The following MTHFD1L variants were observed in gnomAD, a reference collection of about 807,000 sequenced individuals.
MTHFD1L encodes monofunctional C1-tetrahydrofolate synthase, mitochondrial.
In MTHFD1L, 81 loss-of-function variants were observed where a neutral mutation model predicts 119.5. The observed-to-expected ratio is 0.68, with a 90% confidence interval of 0.57 to 0.82. The LOEUF is 0.82. MTHFD1L is among the 40% of genes least tolerant of loss of function. The pLI, the probability that MTHFD1L is intolerant of heterozygous loss-of-function variation, is 0.00. For synonymous variants in MTHFD1L, 430 were observed against 475.2 expected (o/e 0.90, Z 1.24); for missense variants, 1,125 against 1,253.4 (o/e 0.90, Z 1.55).
chr6:150,893,673 A>G (rs1016180704), intron 7 of MTHFD1L, among the ~76,000 whole-genome samples: 1 of 152,124 alleles, frequency 6.6e-6, no homozygotes, highest in African/African-American at 2.4e-5. Flanking sequence ...GTGTAACACT[A>G]GAGTTCTATC....
At chr6:150,908,298 A>G (rs1167099051) in intron 8 of MTHFD1L, among the ~76,000 whole-genome samples, 3 of 151,950 alleles carry the variant, frequency 2.0e-5, no homozygotes, top group African/African-American at 7.2e-5. Context: ...CATGTTTAGA[A>G]ACATTTCCTT....
intron 1 of MTHFD1L, chr6:150,866,461 C>G: frequency 7.6e-7 from 1 of 1,317,148 alleles, no homozygotes; most frequent in Non-Finnish European, 9.6e-7. Flanking sequence ...GGCTGCGGCT[C>G]GGCGCGCCGG....
intron 26 of MTHFD1L, among the ~76,000 whole-genome samples, chr6:151,038,670 A>G (rs900909213): frequency 6.6e-6 from 1 of 152,188 alleles, no homozygotes; most frequent in African/African-American, 2.4e-5. Context: ...TTTAGTGAAA[A>G]GAGAACCAGG....
At chr6:150,908,508 T>C (rs1786312134) in intron 8 of MTHFD1L, among the ~76,000 whole-genome samples, 1 of 151,450 alleles carries the variant, frequency 6.6e-6, no homozygotes, top group Non-Finnish European at 1.5e-5. Context: ...GTGCCTGTAA[T>C]ACCAGCTACT....
chr6:151,088,742 C>T lies in MTHFD1L; in HGVS notation c.2848-3725C>T, dbSNP rs114483897. On this transcript the variant is annotated intron_variant, in intron 26 of 27. Transcript: ENST00000367321. ...AAAATGCTGGGATTACAGGCATGAGCCACTGCGCCCGGCCTGGCCAGGTTT... is the reference window on the plus strand; with the variant it reads ...AAAATGCTGGGATTACAGGCATGAGTCACTGCGCCCGGCCTGGCCAGGTTT... 2.5e-3 allele frequency among the ~76,000 whole-genome samples: 378 copies of T among 151,682 alleles called. 1 individual carries two copies. The highest frequency in any genetic ancestry group is 9.0e-3 in the African/African-American group (374 of 41,386).
At chr6:151,046,703 T>A (rs1788147404) in intron 26 of MTHFD1L, among the ~76,000 whole-genome samples, 1 of 152,046 alleles carries the variant, frequency 6.6e-6, no homozygotes, top group Middle Eastern at 3.2e-3. Context: ...CACTTTTCTC[T>A]TATTACACTT....
At chr6:151,061,424 C>G (rs1790621858) in intron 26 of MTHFD1L, among the ~76,000 whole-genome samples, 1 of 152,172 alleles carries the variant, frequency 6.6e-6, no homozygotes, top group South Asian at 2.1e-4. Flanking sequence ...TTCAGTCTCT[C>G]AGAACAAAAG....
chr6:150,913,971 A>C (rs1230012091), intron 8 of MTHFD1L, among the ~76,000 whole-genome samples: 1 of 152,210 alleles, frequency 6.6e-6, no homozygotes, highest in Non-Finnish European at 1.5e-5. Context: ...CTACTAAAAA[A>C]ATACAAAAAC....
intron 20 of MTHFD1L, among the ~76,000 whole-genome samples, chr6:150,995,730 A>C (rs373558817): frequency 6.6e-6 from 1 of 151,738 alleles, no homozygotes; most frequent in Non-Finnish European, 1.5e-5. Flanking sequence ...GCAGTGGTGC[A>C]ATCTCGACTC....
intron 26 of MTHFD1L, among the ~76,000 whole-genome samples, chr6:151,072,052 A>G (rs369517523): frequency 1.3e-5 from 2 of 152,214 alleles, no homozygotes; most frequent in South Asian, 2.1e-4. Flanking sequence ...CATGTTGGCC[A>G]GGCTAGTCTC....
At position 151,039,452 on chromosome 6, in the gene MTHFD1L, G is replaced by A. The variant is rs762013766; in HGVS notation, c.2847+2335G>A. Among the ~76,000 whole-genome samples the A allele has an allele frequency of 5.3e-4, 80 of 152,152 alleles. No homozygotes were observed. The highest frequency in any genetic ancestry group is 9.9e-4 in the Non-Finnish European group (67 of 68,012). ...CTTCCAGACTCATAGACCTATTCAC[G>A]TGTGTTGCCCAGGCTGGACTCAAAC... On this transcript the variant is annotated intron_variant, in intron 26 of 27. Coordinates refer to ENST00000367321, the MANE Select transcript of MTHFD1L (RefSeq NM_015440.5). The surrounding 1 kb of genome is among the most constrained non-coding windows in gnomAD (Gnocchi z 4.4).
At chr6:150,924,090 GAATTTACTTTGAAATC>G (rs1789513435) in intron 10 of MTHFD1L, among the ~76,000 whole-genome samples, 1 of 152,044 alleles carries the variant, frequency 6.6e-6, no homozygotes, top group Non-Finnish European at 1.5e-5. Flanking sequence ...CCCCCAAGAA[GAATTTACTTTGAAATC>G]ATTGATTTCT....
At chr6:151,008,216 G>C (rs986498788) in intron 20 of MTHFD1L, among the ~76,000 whole-genome samples, 2 of 152,206 alleles carry the variant, frequency 1.3e-5, no homozygotes, top group African/African-American at 4.8e-5. Context: ...ATTATAAGCT[G>C]CCACTTATAA....
intron 11 of MTHFD1L, among the ~76,000 whole-genome samples, chr6:150,928,865 G>A (rs2128917038): frequency 6.6e-6 from 1 of 152,166 alleles, no homozygotes. Flanking sequence ...TTTGTAAGAG[G>A]GACAGACAGC....
In MTHFD1L at chr6:151,003,298, G is replaced by A. The variant is rs942492123; in HGVS notation, c.2126-6521G>A. Among the ~76,000 whole-genome samples the A allele has an allele frequency of 3.3e-5, 5 of 152,186 alleles. No homozygotes were observed. The South Asian group carries it at 8.3e-4, about 25-fold the overall frequency. On this transcript the variant is annotated intron_variant, in intron 20 of 27. Transcript: ENST00000367321. ...TGTAATCCCAACACTTTGGGAGGCCGAGGTGGGCGGATCACCTGAGGTCAG... is the reference window on the plus strand; with the variant it reads ...TGTAATCCCAACACTTTGGGAGGCCAAGGTGGGCGGATCACCTGAGGTCAG...
chr6:150,990,609 G>A (rs1318396429), intron 20 of MTHFD1L, among the ~76,000 whole-genome samples: 2 of 151,412 alleles, frequency 1.3e-5, no homozygotes, highest in African/African-American at 2.4e-5. Flanking sequence ...ACAGGCATGC[G>A]CCACCATGCC....
intron 17 of MTHFD1L, among the ~76,000 whole-genome samples, chr6:150,958,030 G>A (rs913248115): frequency 1.3e-5 from 2 of 152,106 alleles, no homozygotes; most frequent in African/African-American, 2.4e-5. Context: ...TCTGTGCATT[G>A]TATTGATAGT....
At chr6:151,098,256 G>C (rs1193410725) in intron 27 of MTHFD1L, among the ~76,000 whole-genome samples, 1 of 152,176 alleles carries the variant, frequency 6.6e-6, no homozygotes, top group African/African-American at 2.4e-5. Context: ...TTAATCTTGA[G>C]TTGGGTTGCT....
Position 150,934,461 on chromosome 6 carries a change from G to C in MTHFD1L, c.1257-2343G>C, listed in dbSNP as rs114627270. On this transcript the variant is annotated intron_variant, in intron 11 of 27. Transcript: ENST00000367321. ...AGTGTTTGTCACATTTATCGTAATT[G>C]CTGATATATTCAGATCAGCTGGAAG... Among the ~76,000 whole-genome samples the C allele has an allele frequency of 1.0e-3, 156 of 152,250 alleles. 2 individuals are homozygous for C. The highest frequency in any genetic ancestry group is 3.6e-3 in the African/African-American group (151 of 41,544).
Sources: gnomAD v4.1 joint callset for allele counts (sites outside exome capture counted in the v4.1 genomes callset) on GRCh38, gnomAD v4.1.1 for gene constraint, Gnocchi (gnomAD v3.1) non-coding constraint, MANE v1.5 for transcripts, NCBI Gene and HGNC (gene_info 2026-07-23, HGNC 2026-07-21) for gene names.